GRXCR2: variants seen among roughly 807,000 people sequenced by gnomAD.
GRXCR2 encodes glutaredoxin domain-containing cysteine-rich protein 2.
A neutral mutation model predicts 24.8 loss-of-function variants in GRXCR2; 23 were observed. That is an observed-to-expected ratio of 0.93 (90% confidence interval 0.67 to 1.32). The LOEUF (loss-of-function observed/expected upper bound fraction) is 1.32. Among genes scored for constraint, GRXCR2 ranks in the 40% most tolerant of loss-of-function variants. GRXCR2 has a pLI of 0.00. For missense variants in GRXCR2, 315 were observed against 303.4 expected, an observed-to-expected ratio of 1.04 and a Z score of -0.28; for synonymous variants, 130 against 116.1, an observed-to-expected ratio of 1.12 and a Z score of -0.77.
At chr5:145,888,266 T>C (rs1289442227) in intron 2 of GRXCR2, among the ~76,000 whole-genome samples, 1 of 152,156 alleles carries the variant, frequency 6.6e-6, no homozygotes, top group East Asian at 1.9e-4. Flanking sequence ...CTATTTCAAT[T>C]AAACAAATAC....
intron 2 of GRXCR2, among the ~76,000 whole-genome samples, chr5:145,895,086 G>C (rs547380120): frequency 8.6e-5 from 13 of 151,922 alleles, no homozygotes; most frequent in South Asian, 2.1e-4. Flanking sequence ...ATTCAACAAC[G>C]CTTCATGCTA....
chr5:145,894,746 C>G (rs571546884), intron 2 of GRXCR2, among the ~76,000 whole-genome samples: 114 of 152,144 alleles, frequency 7.5e-4, no homozygotes, highest in African/African-American at 2.7e-3. Context: ...CTATTCCAAT[C>G]AATAGAAAAA....
At chr5:145,895,446 ACAAAATCAATATG>A (rs1018094580) in intron 2 of GRXCR2, among the ~76,000 whole-genome samples, 1 of 152,238 alleles carries the variant, frequency 6.6e-6, no homozygotes, top group Admixed American at 6.5e-5. Context: ...GTCTCAGGAT[ACAAAATCAATATG>A]CAAAAATCAC....
upstream of GRXCR2, among the ~76,000 whole-genome samples, chr5:145,875,478 G>A (rs1002661089): frequency 6.6e-6 from 1 of 152,080 alleles, no homozygotes; most frequent in Non-Finnish European, 1.5e-5. Flanking sequence ...GAAGCCAGGA[G>A]GCAGAGGTTG....
At chr5:145,902,763 T>G (rs1415472877) in intron 2 of GRXCR2, among the ~76,000 whole-genome samples, 1 of 152,234 alleles carries the variant, frequency 6.6e-6, no homozygotes, top group South Asian at 2.1e-4. Flanking sequence ...AGCATTTAAG[T>G]GTCAGGCATG....
chr5:145,876,221 A>ATATATATG (rs1199933512), upstream of GRXCR2, among the ~76,000 whole-genome samples: 6 of 122,712 alleles, frequency 4.9e-5, no homozygotes, highest in Non-Finnish European at 7.5e-5. Context: ...ATATATACAC[A>ATATATATG]CACACACACA....
chr5:145,878,913 T>C (rs1007391097), intron 2 of GRXCR2, among the ~76,000 whole-genome samples: 1 of 152,022 alleles, frequency 6.6e-6, no homozygotes, highest in Non-Finnish European at 1.5e-5. Context: ...AAAGAAAATT[T>C]TCAACCCAGA....
chr5:145,919,904 A>G (rs1010488682), intron 2 of GRXCR2, among the ~76,000 whole-genome samples: 4 of 152,104 alleles, frequency 2.6e-5, no homozygotes, highest in Non-Finnish European at 5.9e-5. Context: ...GGGTCTTGTG[A>G]GGTAGGAGAA....
At chr5:145,891,692 A>T (rs1382726259) in intron 2 of GRXCR2, among the ~76,000 whole-genome samples, 1 of 152,122 alleles carries the variant, frequency 6.6e-6, no homozygotes, top group Non-Finnish European at 1.5e-5. Flanking sequence ...GCCTCTGTAG[A>T]CTCCACCTCT....
chr5:145,912,560 C>T (rs1356751273), intron 2 of GRXCR2, among the ~76,000 whole-genome samples: 1 of 152,044 alleles, frequency 6.6e-6, no homozygotes, highest in African/African-American at 2.4e-5. Context: ...ATAGTGTAAA[C>T]AATTTGATAG....
chr5:145,860,022 G>C, intron 2 of GRXCR2, 107 bp from the exon 3 acceptor site: 1 of 857,866 alleles, frequency 1.2e-6, no homozygotes, highest in Non-Finnish European at 1.7e-6. Flanking sequence ...CAGAATAGAG[G>C]AAAATGCTTC....
At chr5:145,915,238 C>T (rs1757220074) in intron 2 of GRXCR2, among the ~76,000 whole-genome samples, 1 of 152,106 alleles carries the variant, frequency 6.6e-6, no homozygotes, top group African/African-American at 2.4e-5. Flanking sequence ...TCCTATTAGG[C>T]CATTCCTGTG....
At chr5:145,868,927 A>G (rs1263848410) in intron 1 of GRXCR2, among the ~76,000 whole-genome samples, 2 of 152,244 alleles carry the variant, frequency 1.3e-5, no homozygotes, top group African/African-American at 4.8e-5. Context: ...ATCAAATGTC[A>G]ATGGGGAACA....
chr5:145,890,994 G>A (rs989296375), intron 2 of GRXCR2, among the ~76,000 whole-genome samples: 1 of 152,144 alleles, frequency 6.6e-6, no homozygotes, highest in African/African-American at 2.4e-5. Context: ...AGATAAAAGA[G>A]ACTTTAAACC....
intron 2 of GRXCR2, among the ~76,000 whole-genome samples, chr5:145,910,270 G>A (rs13176357): frequency 6.6e-6 from 1 of 151,954 alleles, no homozygotes; most frequent in Admixed American, 6.6e-5. Context: ...AGTCATAAAC[G>A]ACAACCTCTG....
chr5:145,924,254 G>A (rs971918088), intron 2 of GRXCR2, among the ~76,000 whole-genome samples: 2 of 152,158 alleles, frequency 1.3e-5, no homozygotes, highest in Non-Finnish European at 2.9e-5. Flanking sequence ...TAGTTGAACA[G>A]TTAATTAATC....
At chr5:145,911,253 C>T (rs570699095) in intron 2 of GRXCR2, among the ~76,000 whole-genome samples, 1 of 152,214 alleles carries the variant, frequency 6.6e-6, no homozygotes, top group African/African-American at 2.4e-5. Context: ...CAGTTCTATG[C>T]TGTTTCTTGC....
rs559768717 is a variant in GRXCR2 at position 145,866,496 on chromosome 5, C to T, written c.564+5G>A. On this transcript the variant is annotated splice_donor_5th_base_variant and intron_variant, in intron 2 of 2. Coordinates refer to ENST00000377976, the MANE Select transcript of GRXCR2 (RefSeq NM_001080516.2). Reference sequence around the variant, plus strand: ...CGAGCAGGACAGTCAAGCTCCCCAACGCACCTGTGTATACCGGTTTTGGGG... The same window carrying T: ...CGAGCAGGACAGTCAAGCTCCCCAATGCACCTGTGTATACCGGTTTTGGGG... The T allele has an allele frequency of 5.4e-5, 87 of 1,608,136 alleles. No homozygotes were observed. Among genetic ancestry groups the T allele is most frequent in the African/African-American group, 5.2e-4 (39 of 74,932 alleles).
At chr5:145,864,615 T>G (rs1329520056) in intron 2 of GRXCR2, among the ~76,000 whole-genome samples, 1 of 152,150 alleles carries the variant, frequency 6.6e-6, no homozygotes, top group Non-Finnish European at 1.5e-5. Context: ...TGGCACTTTC[T>G]CAAGCTCTCT....
Sources: gnomAD v4.1 joint callset for allele counts (sites outside exome capture counted in the v4.1 genomes callset) on GRCh38, gnomAD v4.1.1 for gene constraint, MANE v1.5 for transcripts, NCBI Gene and HGNC (gene_info 2026-07-23, HGNC 2026-07-21) for gene names.